DPP6: variants seen among roughly 807,000 people sequenced by gnomAD.
The protein encoded by DPP6 is dipeptidyl peptidase like 6.
DPP6 carries 69 observed loss-of-function variants against 122.6 expected under a neutral mutation model. The ratio of observed to expected loss-of-function variants is 0.56; its 90% CI spans 0.46 to 0.69. The LOEUF (loss-of-function observed/expected upper bound fraction) is 0.69, where lower values mean the gene tolerates loss of function less well. Among genes scored for constraint, DPP6 ranks in the 30% least tolerant of loss-of-function variants. The pLI is 0.00. For synonymous variants in DPP6, 418 were observed against 433.1 expected, an observed-to-expected ratio of 0.97 and a Z score of 0.43; for missense variants, 928 against 1,116.9, an observed-to-expected ratio of 0.83 and a Z score of 2.41.
intron 1 of DPP6, among the ~76,000 whole-genome samples, chr7:154,311,734 A>C (rs994955999): frequency 6.6e-6 from 1 of 152,154 alleles, no homozygotes; most frequent in Admixed American, 6.5e-5. Context: ...TTGACCTTTC[A>C]GGACTCTTTA....
intron 1 of DPP6, among the ~76,000 whole-genome samples, chr7:154,374,139 A>G (rs1404906386): frequency 2.0e-5 from 3 of 152,140 alleles, no homozygotes; most frequent in Non-Finnish European, 4.4e-5. Context: ...GAGCACATGA[A>G]GAAACCACAG....
intron 1 of DPP6, among the ~76,000 whole-genome samples, chr7:154,258,583 G>C (rs370237432): frequency 6.6e-6 from 1 of 152,176 alleles, no homozygotes; most frequent in Non-Finnish European, 1.5e-5. Flanking sequence ...AAATGGTATA[G>C]GACAGTGCAA....
intron 1 of DPP6, among the ~76,000 whole-genome samples, chr7:154,262,037 G>A (rs1194678137): frequency 6.6e-6 from 1 of 151,908 alleles, no homozygotes; most frequent in Non-Finnish European, 1.5e-5. Context: ...GGGAGAGAGG[G>A]AGGAAGGAGA....
the DPP6 span, among the ~76,000 whole-genome samples, chr7:153,800,747 C>T: frequency 3.9e-5 from 6 of 152,042 alleles, no homozygotes; most frequent in Non-Finnish European, 7.4e-5. Flanking sequence ...GAACTCCTGA[C>T]CTCAAGTGAT....
At chr7:153,852,582 G>A in the DPP6 span, among the ~76,000 whole-genome samples, 1 of 151,936 alleles carries the variant, frequency 6.6e-6, no homozygotes, top group Non-Finnish European at 1.5e-5. Context: ...CCAACACTGG[G>A]GATCACAATT....
chr7:154,223,305 T>C (rs1373110305), intron 1 of DPP6, among the ~76,000 whole-genome samples: 1 of 149,552 alleles, frequency 6.7e-6, no homozygotes, highest in Admixed American at 6.6e-5. Flanking sequence ...TCATTATTCA[T>C]TCATCCATTA....
At chr7:154,721,005 G>A (rs1841776507) in intron 7 of DPP6, among the ~76,000 whole-genome samples, 1 of 152,232 alleles carries the variant, frequency 6.6e-6, no homozygotes, top group East Asian at 1.9e-4. Context: ...ATGACAGGGA[G>A]GCATCCTTCC....
chr7:154,448,918 T>C (rs1820119777), intron 2 of DPP6, among the ~76,000 whole-genome samples: 1 of 152,148 alleles, frequency 6.6e-6, no homozygotes, highest in Admixed American at 6.5e-5. Flanking sequence ...AAAGATGAAC[T>C]CAATGTGGAC....
chr7:153,958,764 A>G (rs987268556), intron 1 of DPP6, among the ~76,000 whole-genome samples: 72 of 152,146 alleles, frequency 4.7e-4, no homozygotes, highest in African/African-American at 1.7e-3. Context: ...CTGAAAGCCC[A>G]TTGCTATTTC....
At chr7:153,759,971 A>ATCTCTC in the DPP6 span, among the ~76,000 whole-genome samples, 5 of 136,968 alleles carry the variant, frequency 3.7e-5, no homozygotes, top group African/African-American at 7.9e-5. Context: ...CTGTTTCTGT[A>ATCTCTC]TCTCTCTCTC....
chr7:153,837,278 C>A, the DPP6 span, among the ~76,000 whole-genome samples: 1 of 151,812 alleles, frequency 6.6e-6, no homozygotes, highest in Non-Finnish European at 1.5e-5. Flanking sequence ...TGTTTTTAAT[C>A]CAGGATATTC....
rs1469474305 is a variant in DPP6, at chr7:154,760,919, C to A, written c.884-8498C>A. 1.3e-5 allele frequency among the ~76,000 whole-genome samples: 2 copies of A among 151,542 alleles called. No homozygotes were observed. The highest frequency in any genetic ancestry group is 6.6e-5 in the Admixed American group (1 of 15,220). On this transcript the variant is annotated intron_variant, in intron 8 of 25. Coordinates refer to ENST00000377770, the MANE Select transcript of DPP6 (RefSeq NM_130797.4). The surrounding 1 kb of genome is among the most constrained non-coding windows in gnomAD (Gnocchi z 4.5). ...GTGCAATCTCGACTCACTGCAACCTCCGCTTCCCTGGTTCAAGCGATTCTC... is the reference window on the plus strand; with the variant it reads ...GTGCAATCTCGACTCACTGCAACCTACGCTTCCCTGGTTCAAGCGATTCTC...
chr7:154,723,081 CAA>C (rs942795634), intron 7 of DPP6, among the ~76,000 whole-genome samples: 1 of 151,978 alleles, frequency 6.6e-6, no homozygotes, highest in African/African-American at 2.4e-5. Context: ...GGCATCATGG[CAA>C]AACCCCATCT....
At chr7:153,868,119 G>T in the DPP6 span, among the ~76,000 whole-genome samples, 29 of 151,552 alleles carry the variant, frequency 1.9e-4, no homozygotes, top group African/African-American at 1.5e-4. Context: ...TCTCTTTTTT[G>T]GTTGTGTCTC....
At chr7:154,575,412 G>C (rs1831545426) in intron 5 of DPP6, among the ~76,000 whole-genome samples, 3 of 109,398 alleles carry the variant, frequency 2.7e-5, no homozygotes, top group Non-Finnish European at 5.6e-5. Context: ...TGTGGTGTTT[G>C]TGTATGTGTG....
intron 1 of DPP6, among the ~76,000 whole-genome samples, chr7:154,302,581 G>A (rs1805984057): frequency 6.6e-6 from 1 of 152,192 alleles, no homozygotes; most frequent in East Asian, 1.9e-4. Flanking sequence ...GGTGGGGCCT[G>A]GCTGGTCAAA....
Position 154,323,951 on chromosome 7 carries a change from A to T in DPP6, c.244-122263A>T, listed in dbSNP as rs979744068. The stretch of plus-strand genomic sequence containing the variant: ...TACAAGTGAGACAGTACAGGTGAAA[A>T]CTACAAAATCTCTCTTGTAAAATAC... On this transcript the variant is annotated intron_variant, in intron 1 of 25. Transcript: ENST00000377770. Among the ~76,000 whole-genome samples the T allele has an allele frequency of 3.3e-5, 5 of 152,270 alleles. No individual in the cohort carries two copies. In the South Asian group the frequency reaches 1.0e-3, roughly 32 times the overall value.
Position 154,255,463 on chromosome 7 carries a change from C to CT in DPP6, c.244-190750dup, listed in dbSNP as rs148155554. On this transcript the variant is annotated intron_variant, in intron 1 of 25. Transcript: ENST00000377770. The stretch of plus-strand genomic sequence containing the variant: ...TGGAGAGGCTGAGCCACTCCCAGCA[C>CT]TGGGGGAAAGGAGGTGGCTCTTTGA... Among the ~76,000 whole-genome samples, 276 of 152,280 alleles carry CT rather than the reference C, an allele frequency of 1.8e-3. 2 individuals carry two copies. The highest frequency in any genetic ancestry group is 0.017 in the Middle Eastern group (5 of 294).
At chr7:154,534,993 T>C (rs1343622252) in intron 3 of DPP6, among the ~76,000 whole-genome samples, 1 of 152,084 alleles carries the variant, frequency 6.6e-6, no homozygotes, top group Admixed American at 6.6e-5. Flanking sequence ...ATCAACACAG[T>C]GTGGCATTGG....
Sources: allele counts gnomAD v4.1 joint callset (sites outside exome capture counted in the v4.1 genomes callset), GRCh38; gene constraint gnomAD v4.1.1; non-coding constraint Gnocchi (gnomAD v3.1); transcripts MANE v1.5; gene names NCBI Gene and HGNC (gene_info 2026-07-23, HGNC 2026-07-21).